Variants in FAIM2 observed in about 807,000 individuals in gnomAD.
FAIM2 encodes the protein Fas apoptotic inhibitory molecule 2, also known as protein lifeguard 2.
Under a neutral mutation model 47.4 loss-of-function variants are expected in FAIM2, and 27 were observed. The observed-to-expected ratio is 0.57, with a 90% CI of 0.42 to 0.78. The LOEUF is 0.78. FAIM2 is among the 30% of genes least tolerant of loss of function. The pLI is 0.00. For synonymous variants in FAIM2, 156 were observed against 159.3 expected, an observed-to-expected ratio of 0.98 and a Z score of 0.16; for missense variants, 311 against 389.4, an observed-to-expected ratio of 0.80 and a Z score of 1.69.
chr12:49,899,463 G>A lies in FAIM2; in HGVS notation c.212-1373C>T, dbSNP rs140586391. Among the ~76,000 whole-genome samples the A allele has an allele frequency of 6.4e-3, 978 of 152,238 alleles. 9 individuals carry two copies. The highest frequency in any genetic ancestry group is 0.022 in the African/African-American group (908 of 41,514). On this transcript the variant is annotated intron_variant, in intron 2 of 11. Transcript: ENST00000320634. ...AAGAAAGCCTCCGCGGCCTCCCTGC[G>A]CAGCACCCTCCAGCCCCGCTATACA...
At chr12:49,884,818 C>CA (rs534361268) in intron 11 of FAIM2, among the ~76,000 whole-genome samples, 8 of 152,140 alleles carry the variant, frequency 5.3e-5, no homozygotes, top group Non-Finnish European at 8.8e-5. Context: ...ACTAAAAATA[C>CA]AAAAAATTAG....
At chr12:49,888,067 G>T (rs1038381480) in intron 10 of FAIM2, among the ~76,000 whole-genome samples, 2 of 152,154 alleles carry the variant, frequency 1.3e-5, no homozygotes, top group African/African-American at 4.8e-5. Flanking sequence ...ACCGCACTAG[G>T]GCCCTCCATG....
At chr12:49,902,111 CTG>C (rs1946985793) in intron 1 of FAIM2, 2 of 152,216 alleles carry the variant, frequency 1.3e-5, no homozygotes, top group Admixed American at 1.3e-4. Flanking sequence ...GATGAGGAAA[CTG>C]AGGCTCAAAG....
intron 1 of FAIM2, among the ~76,000 whole-genome samples, chr12:49,903,561 G>T (rs1305895564): frequency 1.3e-5 from 2 of 152,266 alleles, no homozygotes; most frequent in South Asian, 2.1e-4. Context: ...GGGTGGCAGG[G>T]TGACAGGGGA....
intron 11 of FAIM2, among the ~76,000 whole-genome samples, chr12:49,885,096 G>C (rs1278603566): frequency 5.3e-5 from 8 of 152,230 alleles, no homozygotes; most frequent in Admixed American, 5.2e-4. Flanking sequence ...ATGCGGGGAG[G>C]TAACAGGTGT....
rs986849290 is a variant in FAIM2 at position 49,869,875 on chromosome 12, C to A, written c.*629G>T. 6.6e-6 allele frequency: 1 copy of A among 152,464 alleles called. No homozygotes were observed. The highest frequency in any genetic ancestry group is 1.5e-5 in the Non-Finnish European group (1 of 68,388). The allele number at this position is 152,464 out of a possible 1,614,324, so 9.4% of individuals were successfully genotyped here. A position where few individuals can be genotyped will look rare whatever the true frequency, so the allele number is the denominator to read the frequency against. On this transcript the variant is annotated 3_prime_UTR_variant, in exon 12 of 12. Coordinates refer to ENST00000320634, the MANE Select transcript of FAIM2 (RefSeq NM_012306.4). ...AGGGCCATTCACAGCAAGCAGCAGA[C>A]AGCACAGGCTTCAGACCCTCTCCTA...
At position 49,870,743 on chromosome 12, in the gene FAIM2, C is replaced by T. The variant is rs899109992; in HGVS notation, c.802-90G>A. ...AGCCCAGGTGTCCCCCTCAGCCCCA[C>T]CCCCAATTTTATTACCCTCACCAGC... is the stretch of plus-strand genomic sequence containing the variant. On this transcript the variant is annotated intron_variant, in intron 11 of 11. Transcript: ENST00000320634. The T allele has an allele frequency of 5.3e-6, 7 of 1,315,658 alleles. 1 individual carries two copies. The highest frequency in any genetic ancestry group is 2.0e-5 in the Admixed American group (1 of 50,140). The allele number at this position is 1,315,658 out of a possible 1,614,324, so 81.5% of individuals were successfully genotyped here. A position where few individuals can be genotyped will look rare whatever the true frequency, so the allele number is the denominator to read the frequency against.
chr12:49,897,351 CCCCT>C (rs1387035984), intron 4 of FAIM2, among the ~76,000 whole-genome samples, 164 bp downstream of exon 4: 2 of 152,168 alleles, frequency 1.3e-5, no homozygotes, highest in African/African-American at 4.8e-5. Flanking sequence ...GGACAGAGGG[CCCCT>C]TGCCTGGTGC....
rs540416665 is a variant in FAIM2 at position 49,896,860 on chromosome 12, C to T, written c.434+171G>A. 7.2e-5 allele frequency among the ~76,000 whole-genome samples: 11 copies of T among 152,284 alleles called. No homozygotes were observed. In the South Asian group the frequency reaches 2.3e-3, roughly 32 times the overall value. ...AATGCCCCAGAAAGGTGCTTCTGGCCATGCTCTGAAGCCGACAGAATGGGG... is the reference window on the plus strand; with the variant it reads ...AATGCCCCAGAAAGGTGCTTCTGGCTATGCTCTGAAGCCGACAGAATGGGG... On this transcript the variant is annotated intron_variant, in intron 5 of 11. Coordinates refer to ENST00000320634, the MANE Select transcript of FAIM2 (RefSeq NM_012306.4).
At chr12:49,901,426 C>T in intron 1 of FAIM2, 101 bp from the exon 2 acceptor site, 1 of 888,114 alleles carries the variant, frequency 1.1e-6, no homozygotes, top group South Asian at 1.9e-5. Flanking sequence ...TTCATGGTTC[C>T]TTCCTTACCT....
chr12:49,870,717 C>T, intron 11 of FAIM2, 64 bp from the exon 12 acceptor site: 1 of 1,546,164 alleles, frequency 6.5e-7, no homozygotes, highest in African/African-American at 1.4e-5. Context: ...CTGACTATGG[C>T]AGCCCAGGTG....
rs575917523 is a variant in FAIM2 at position 49,876,591 on chromosome 12, G to A, written c.802-5938C>T. The stretch of plus-strand genomic sequence containing the variant: ...ATCCTGGCTAACATGGGGAAACCCC[G>A]TCTCTACTAAAAAAAAAAAAAATAC... On this transcript the variant is annotated intron_variant, in intron 11 of 11. Transcript: ENST00000320634. Among the ~76,000 whole-genome samples the A allele has an allele frequency of 2.1e-3, 304 of 144,576 alleles. 2 individuals are homozygous for A. The highest frequency in any genetic ancestry group is 7.5e-3 in the African/African-American group (289 of 38,356). 94.8% of individuals were successfully genotyped at this position (144,576 alleles called of 152,430 possible). A position where few individuals can be genotyped will look rare whatever the true frequency, so the allele number is the denominator to read the frequency against.
rs545628587 is a variant in FAIM2 at position 49,879,396 on chromosome 12, G to A, written c.801+7990C>T. Among the ~76,000 whole-genome samples the A allele has an allele frequency of 2.6e-5, 4 of 151,896 alleles. No homozygotes were observed. The East Asian group carries it at 7.7e-4, about 29-fold the overall frequency. On this transcript the variant is annotated intron_variant, in intron 11 of 11. Transcript: ENST00000320634. Reference sequence around the variant, plus strand: ...TGTGTATATGTGTATGTGGGTATGTGTCCATGTGAGTGTGCATGTGAGTGT... The same window carrying A: ...TGTGTATATGTGTATGTGGGTATGTATCCATGTGAGTGTGCATGTGAGTGT...
At chr12:49,897,461 G>C in intron 4 of FAIM2, 58 bp downstream of exon 4, 3 of 1,514,916 alleles carry the variant, frequency 2.0e-6, no homozygotes, top group Non-Finnish European at 2.8e-6. Flanking sequence ...TGGGTTCCCC[G>C]GCTCCAGGCC....
At chr12:49,891,211 A>T in intron 5 of FAIM2, 97 bp from the exon 6 acceptor site, 4 of 1,161,892 alleles carry the variant, frequency 3.4e-6, no homozygotes, top group Non-Finnish European at 5.1e-6. Context: ...CCCCACCCAC[A>T]GGGCAGCCAG....
chr12:49,875,716 A>T (rs756972611), intron 11 of FAIM2, among the ~76,000 whole-genome samples: 4 of 152,284 alleles, frequency 2.6e-5, no homozygotes, highest in Non-Finnish European at 5.9e-5. Flanking sequence ...TGGTTCATCC[A>T]GTAATCCCAG....
chr12:49,901,380 C>T, intron 1 of FAIM2, 55 bp from the exon 2 acceptor site: 3 of 1,331,804 alleles, frequency 2.3e-6, no homozygotes, highest in Non-Finnish European at 3.0e-6. Flanking sequence ...AGCCTTCCAA[C>T]TCCTCCTCCT....
intron 11 of FAIM2, among the ~76,000 whole-genome samples, chr12:49,886,161 T>C (rs949363489): frequency 5.9e-5 from 9 of 152,234 alleles, no homozygotes; most frequent in Admixed American, 1.3e-4. Flanking sequence ...CTTGAATGCC[T>C]TTCCGAGAGG....
intron 2 of FAIM2, chr12:49,900,102 A>T: frequency 1.2e-6 from 1 of 800,990 alleles, no homozygotes; most frequent in South Asian, 1.5e-5. Flanking sequence ...AAGAGAGGGA[A>T]AGTGGGCCGG....
Sources: allele counts gnomAD v4.1 joint callset (sites outside exome capture counted in the v4.1 genomes callset), GRCh38; gene constraint gnomAD v4.1.1; transcripts MANE v1.5; gene names NCBI Gene and HGNC (gene_info 2026-07-23, HGNC 2026-07-21).